The following ZNF132 variants were observed in gnomAD, a reference collection of about 807,000 sequenced individuals.
The protein encoded by ZNF132 is zinc finger protein 132 (clone pHZ-12).
A neutral mutation model predicts 9.3 loss-of-function variants in ZNF132; 6 were observed. That is an observed-to-expected ratio of 0.65 (90% CI 0.35 to 1.28). ZNF132 has a LOEUF of 1.28. Ranked by LOEUF, ZNF132 falls within the 50% of genes most tolerant of loss-of-function variation. ZNF132 has a pLI of 0.03. For missense variants in ZNF132, 877 were observed against 843.2 expected (o/e 1.04, Z -0.50); for synonymous variants, 296 against 292.0 (o/e 1.01, Z -0.14).
At position 58,437,181 on chromosome 19, in the gene ZNF132, G is replaced by T. The variant is rs1400673075; in HGVS notation, c.98C>A (p.Thr33Lys). 1 of 1,611,158 alleles carries T rather than the reference G, an allele frequency of 6.2e-7. No individual in the cohort carries two copies. Among genetic ancestry groups the T allele is most frequent in the African/African-American group, 1.3e-5 (1 of 74,944 alleles). Residue 33 changes from threonine to lysine, a missense_variant, in exon 2 of 3, where the codon ACA becomes AAA. Physicochemically the swap from Thr to Lys is moderately conservative, Grantham distance 78 (BLOSUM62 -1). Coordinates refer to ENST00000254166, the MANE Select transcript of ZNF132 (RefSeq NM_003433.4). The part of the protein sequence containing the change: ...TSWPCGSAVP[T>K]LKSMVTFEDV... ...TTCAAAGGTTACCATGCTCTTCAAT[G>T]TGGGGACAGCTGAGCCACAGGGCCA...
Position 58,434,097 on chromosome 19 carries a change from G to A in ZNF132, c.1347C>T (p.His449=), listed in dbSNP as rs145332222. 1.9e-6 allele frequency: 3 copies of A among 1,612,234 alleles called. No individual in the cohort carries two copies. The highest frequency in any genetic ancestry group is 2.5e-6 in the Non-Finnish European group (3 of 1,179,602). ...AFNNNSNLAQ[H]QKVHTGERPF... ...GCCGTTCTCCGGTGTGAACTTTCTG[G>A]TGCTGAGCAAGGTTGGAGTTATTGT... is the stretch of plus-strand genomic sequence containing the variant. Residue 449 remains histidine, a synonymous_variant, in exon 3 of 3, where the codon CAC becomes CAT. Coordinates refer to ENST00000254166, the MANE Select transcript of ZNF132 (RefSeq NM_003433.4).
rs754023035 is a variant in ZNF132 at position 58,435,169 on chromosome 19, T to C, written c.275A>G (p.Gln92Arg). ...CTGTAACACTTCTACAGAAACATTC[T>C]GCTTGGGATGGGCCCCCTCACCCTC... Reference protein sequence around the residue: ...GVEGEGAHPKQNVSVEVLQVR... With the variant: ...GVEGEGAHPKRNVSVEVLQVR... Residue 92 changes from glutamine to arginine, a missense_variant, in exon 3 of 3, where the codon CAG becomes CGG. Physicochemically the swap from Gln to Arg is conservative, Grantham distance 43. Transcript: ENST00000254166. 2.2e-5 allele frequency: 36 copies of C among 1,614,122 alleles called. No homozygotes were observed. The East Asian group carries it at 2.7e-4, about 12-fold the overall frequency.
chr19:58,434,912 C>T lies in ZNF132; in HGVS notation c.532G>A (p.Ala178Thr), dbSNP rs759276688. 2.3e-5 allele frequency: 37 copies of T among 1,614,026 alleles called. No individual in the cohort carries two copies. The highest frequency in any genetic ancestry group is 1.9e-4 in the South Asian group (17 of 91,076). Residue 178 changes from alanine to threonine, a missense_variant, in exon 3 of 3, where the codon GCA becomes ACA. By Grantham distance (58) the Ala-to-Thr change is moderately conservative (BLOSUM62 0). Coordinates refer to ENST00000254166, the MANE Select transcript of ZNF132 (RefSeq NM_003433.4). ...KPFRWYKDRD[A>T]LMKSSKVHLS... Reference sequence around the variant, plus strand: ...TGGACTTTAGAGCTCTTCATAAGTGCGTCCCTGTCCTTGTACCATCTAAAG... The same window carrying T: ...TGGACTTTAGAGCTCTTCATAAGTGTGTCCCTGTCCTTGTACCATCTAAAG...
In ZNF132 at chr19:58,433,522, T is replaced by C. The variant is rs763400688; in HGVS notation, c.1922A>G (p.His641Arg). 2 of 1,614,020 alleles carry C rather than the reference T, an allele frequency of 1.2e-6. No individual in the cohort carries two copies. The highest frequency in any genetic ancestry group is 3.3e-5 in the Admixed American group (2 of 60,004). The change falls in exon 3 of 3, where the codon CAC becomes CGC. Residue 641 changes from histidine to arginine, a missense_variant. Physicochemically the swap from His to Arg is conservative, Grantham distance 29 (BLOSUM62 0). Coordinates refer to ENST00000254166, the MANE Select transcript of ZNF132 (RefSeq NM_003433.4). ...ECGRAFSSNS[H>R]LVRHQRVHTQ... The stretch of plus-strand genomic sequence containing the variant: ...GTGAACTCTCTGATGACGAACCAGG[T>C]GGGAGTTACTGCTAAAGGCTCTCCC...
At position 58,433,773 on chromosome 19, in the gene ZNF132, A is replaced by C; in HGVS notation, c.1671T>G (p.Thr557=). 6.2e-7 allele frequency: 1 copy of C among 1,614,022 alleles called. No homozygotes were observed. Among genetic ancestry groups the C allele is most frequent in the South Asian group, 1.1e-5 (1 of 91,062 alleles). The change falls in exon 3 of 3, where the codon ACT becomes ACG. Residue 557 remains threonine (T), a synonymous_variant. Transcript: ENST00000254166. ...TGTGAACTCTCCAGTGTTCAATGAG[A>C]GTGGAGCTGTGAGCAAAGGCTTTCC... is the stretch of plus-strand genomic sequence containing the variant. ...ECGKAFAHSS[T]LIEHWRVHTK...
chr19:58,439,888 C>T lies in ZNF132; in HGVS notation c.-67G>A, dbSNP rs1311992754. Reference sequence around the variant, plus strand: ...TCACACTTCCGCTGGGTGACGGTCGCACTCAGGACCTGTCTTCCCAAATGC... The same window carrying T: ...TCACACTTCCGCTGGGTGACGGTCGTACTCAGGACCTGTCTTCCCAAATGC... On this transcript the variant is annotated 5_prime_UTR_variant, in exon 1 of 3. Transcript: ENST00000254166. The T allele has an allele frequency of 1.3e-6, 2 of 1,486,978 alleles. No individual in the cohort carries two copies. The highest frequency in any genetic ancestry group is 2.8e-5 in the African/African-American group (2 of 70,212). The allele number at this position is 1,486,978 out of a possible 1,614,324, so 92.1% of individuals were successfully genotyped here. A position where few individuals can be genotyped will look rare whatever the true frequency, so the allele number is the denominator to read the frequency against.
intron 1 of ZNF132, among the ~76,000 whole-genome samples, chr19:58,439,237 C>G (rs757090991): frequency 6.6e-6 from 1 of 152,216 alleles, no homozygotes; most frequent in Non-Finnish European, 1.5e-5. Context: ...CAGCTCCTCA[C>G]TGGCCTTCCT....
chr19:58,439,892 C>T lies in ZNF132; in HGVS notation c.-71G>A. The T allele has an allele frequency of 6.8e-7, 1 of 1,477,872 alleles. No homozygotes were observed. Among genetic ancestry groups the T allele is most frequent in the Non-Finnish European group, 9.1e-7 (1 of 1,097,050 alleles). The allele number at this position is 1,477,872 out of a possible 1,614,324, so 91.5% of individuals were successfully genotyped here. ...ACTTCCGCTGGGTGACGGTCGCACT[C>T]AGGACCTGTCTTCCCAAATGCAAAA... On this transcript the variant is annotated 5_prime_UTR_variant, in exon 1 of 3. It removes the in-frame stop codon of an upstream open reading frame in the 5' UTR. Coordinates refer to ENST00000254166, the MANE Select transcript of ZNF132 (RefSeq NM_003433.4).
At chr19:58,437,649 C>G (rs985164630) in intron 1 of ZNF132, 30 of 926,008 alleles carry the variant, frequency 3.2e-5, no homozygotes, top group Non-Finnish European at 3.9e-5. Context: ...TCAGACCATA[C>G]AGTTCTTATA....
rs759002685 is a variant in ZNF132 at position 58,434,862 on chromosome 19, G to A, written c.582C>T (p.Cys194=). ...CCAGGATGACCTTCCCACCTTCCCT[G>A]CAAGTGAAGGGGTTCTCTGACAGGT... ...KVHLSENPFT[C]REGGKVILGS... is the part of the protein sequence containing the mutation. The change falls in exon 3 of 3, where the codon TGC becomes TGT. Residue 194 remains cysteine, a synonymous_variant. Transcript: ENST00000254166. 1.2e-6 allele frequency: 2 copies of A among 1,614,036 alleles called. No individual in the cohort carries two copies. Among genetic ancestry groups the A allele is most frequent in the African/African-American group, 2.7e-5 (2 of 74,922 alleles).
chr19:58,437,301 A>G (rs545353587), intron 1 of ZNF132, 86 bp from the exon 2 acceptor site: 5 of 1,423,136 alleles, frequency 3.5e-6, no homozygotes, highest in Non-Finnish European at 3.8e-6. Context: ...TACCACTAAT[A>G]TCTCTTTTTC....
rs1568596359 is a variant in ZNF132 at position 58,433,466 on chromosome 19, A to G, written c.1978T>C (p.Cys660Arg). ...TQERPYECIQ[C>R]GKAFSERSTL... ...GATCTTTCACTAAAGGCTTTTCCAC[A>G]CTGGATGCACTCATAGGGCCTTTCT... Residue 660 changes from cysteine to arginine, a missense_variant, in exon 3 of 3, where the codon TGT (cysteine) becomes CGT (arginine). By Grantham distance (180) the Cys-to-Arg change is radical. Coordinates refer to ENST00000254166, the MANE Select transcript of ZNF132 (RefSeq NM_003433.4). The G allele has an allele frequency of 1.2e-6, 2 of 1,612,772 alleles. No homozygotes were observed. Among genetic ancestry groups the G allele is most frequent in the East Asian group, 4.5e-5 (2 of 44,820 alleles).
At chr19:58,435,816 G>A (rs1452011332) in intron 2 of ZNF132, 1 of 152,596 alleles carries the variant, frequency 6.6e-6, no homozygotes, top group Admixed American at 6.5e-5. Context: ...ATGTTGCCCA[G>A]GTTGGTCTCA....
intron 1 of ZNF132, among the ~76,000 whole-genome samples, chr19:58,438,939 T>C (rs922711105): frequency 5.3e-5 from 8 of 152,016 alleles, no homozygotes; most frequent in African/African-American, 1.9e-4. Context: ...TCCTGGCTAA[T>C]TTTTCTGTAT....
rs761951041 is a variant in ZNF132 at position 58,439,928 on chromosome 19, G to A, written c.-107C>T. On this transcript the variant is annotated 5_prime_UTR_variant, in exon 1 of 3. Coordinates refer to ENST00000254166, the MANE Select transcript of ZNF132 (RefSeq NM_003433.4). ...TTCCCAAATGCAAAATGCGCGCAAG[G>A]CCTCTGGGCACCGCAGGGACGAAGG... The A allele has an allele frequency of 2.8e-4, 339 of 1,200,046 alleles. No homozygotes were observed. The highest frequency in any genetic ancestry group is 3.7e-4 in the Admixed American group (14 of 37,954). 74.3% of individuals were successfully genotyped at this position (1,200,046 alleles called of 1,614,324 possible).
At chr19:58,439,662 C>CAAG in intron 1 of ZNF132, 97 bp downstream of exon 1, 3 of 1,326,320 alleles carry the variant, frequency 2.3e-6, no homozygotes, top group Non-Finnish European at 2.0e-6. Context: ...AGGACACGAT[C>CAAG]AAGAGTCCCA....
chr19:58,433,290 T>A lies in ZNF132; in HGVS notation c.*33A>T. ...CATGAAGTTTGACTTGGCTGAAGATTTTCTCACAAAGACCACTTCCATAAG... is the reference window on the plus strand; with the variant it reads ...CATGAAGTTTGACTTGGCTGAAGATATTCTCACAAAGACCACTTCCATAAG... On this transcript the variant is annotated 3_prime_UTR_variant, in exon 3 of 3. Coordinates refer to ENST00000254166, the MANE Select transcript of ZNF132 (RefSeq NM_003433.4). 2 of 1,576,258 alleles carry A rather than the reference T, an allele frequency of 1.3e-6. No individual in the cohort carries two copies. Among genetic ancestry groups the A allele is most frequent in the Non-Finnish European group, 1.7e-6 (2 of 1,160,168 alleles).
chr19:58,434,439 A>T lies in ZNF132; in HGVS notation c.1005T>A (p.Val335=). 1 of 1,614,256 alleles carries T rather than the reference A, an allele frequency of 6.2e-7. No homozygotes were observed. Among genetic ancestry groups the T allele is most frequent in the Non-Finnish European group, 8.5e-7 (1 of 1,180,046 alleles). ...GKTFNHKLTF[V]HHQRIHSGER... ...CTCCTGAGTGAATTCTCTGATGATG[A>T]ACAAATGTGAGTTTGTGGTTGAAGG... Residue 335 remains valine, a synonymous_variant, in exon 3 of 3, where the codon GTT becomes GTA. Transcript: ENST00000254166.
At position 58,435,888 on chromosome 19, in the gene ZNF132, T is replaced by C. The variant is rs1395648523; in HGVS notation, c.233-677A>G. Among the ~76,000 whole-genome samples, 6 of 152,214 alleles carry C rather than the reference T, an allele frequency of 3.9e-5. No homozygotes were observed. In the East Asian group the frequency reaches 1.2e-3, roughly 29 times the overall value. The stretch of plus-strand genomic sequence containing the variant: ...CCTGAGTAGACGGATTATAGGCACC[T>C]TGCCCAGCTTCTATAGCAGCATTTT... On this transcript the variant is annotated intron_variant, in intron 2 of 2. Transcript: ENST00000254166.
Sources: gnomAD v4.1 joint callset for allele counts (sites outside exome capture counted in the v4.1 genomes callset) on GRCh38, gnomAD v4.1.1 for gene constraint, MANE v1.5 for transcripts, NCBI Gene and HGNC (gene_info 2026-07-23, HGNC 2026-07-21) for gene names.